The following WNT3 variants were observed in gnomAD, a reference collection of about 807,000 sequenced individuals.
The protein encoded by WNT3 is Wnt family member 3, also known as proto-oncogene Wnt-3.
Under a neutral mutation model 34.2 loss-of-function variants are expected in WNT3, and 7 were observed. The observed-to-expected ratio is 0.20, with a 90% CI of 0.12 to 0.38. The LOEUF (loss-of-function observed/expected upper bound fraction) is 0.38, where lower values mean the gene tolerates loss of function less well. Among genes scored for constraint, WNT3 ranks in the 10% least tolerant of loss-of-function variants. The probability of loss-of-function intolerance (pLI) is 1.00; values close to 1 mark genes in which losing one functional copy is unlikely to be tolerated. For missense variants in WNT3, 267 were observed against 499.8 expected, an observed-to-expected ratio of 0.53 and a Z score of 4.44; for synonymous variants, 212 against 211.5, an observed-to-expected ratio of 1.00 and a Z score of -0.02.
chr17:46,782,856 G>A (rs948872023), intron 1 of WNT3, among the ~76,000 whole-genome samples: 59 of 152,210 alleles, frequency 3.9e-4, no homozygotes, highest in African/African-American at 1.3e-3. Context: ...TGGAACACAT[G>A]TGCACCCTGC....
chr17:46,809,274 C>G lies in WNT3; in HGVS notation c.80+9244G>C, dbSNP rs1381857380. ...ACCTTGTGAAGATGATTGGTGGGAG[C>G]TGGAGAGGAGGCGGGATCCTGCTCA... On this transcript the variant is annotated intron_variant, in intron 1 of 4. Coordinates refer to ENST00000225512, the MANE Select transcript of WNT3 (RefSeq NM_030753.5). Among the ~76,000 whole-genome samples the G allele has an allele frequency of 3.9e-5, 6 of 152,238 alleles. No homozygotes were observed. In the East Asian group the frequency reaches 1.2e-3, roughly 29 times the overall value.
chr17:46,815,785 G>T (rs2146473302), intron 1 of WNT3, among the ~76,000 whole-genome samples: 1 of 152,260 alleles, frequency 6.6e-6, no homozygotes, highest in South Asian at 2.1e-4. Flanking sequence ...GGCCAGCTGT[G>T]CCCCCTGCAG....
chr17:46,794,330 C>G (rs922961800), intron 1 of WNT3, among the ~76,000 whole-genome samples: 1 of 152,248 alleles, frequency 6.6e-6, no homozygotes, highest in East Asian at 1.9e-4. Context: ...ATCTTACTAG[C>G]GGTGAAGAGG....
At chr17:46,784,232 G>A (rs2059483789) in intron 1 of WNT3, among the ~76,000 whole-genome samples, 1 of 152,204 alleles carries the variant, frequency 6.6e-6, no homozygotes, top group Non-Finnish European at 1.5e-5. Flanking sequence ...AAAGTTTTGA[G>A]CCAGGATGAC....
intron 1 of WNT3, among the ~76,000 whole-genome samples, chr17:46,816,799 C>T (rs1197910802): frequency 6.6e-6 from 1 of 152,174 alleles, no homozygotes; most frequent in Non-Finnish European, 1.5e-5. Flanking sequence ...TCCTTCCTAC[C>T]CTCCCCCAAC....
chr17:46,815,732 G>A (rs1018576313), intron 1 of WNT3, among the ~76,000 whole-genome samples: 9 of 152,312 alleles, frequency 5.9e-5, no homozygotes, highest in African/African-American at 2.2e-4. Flanking sequence ...ACAAGCTGGT[G>A]TCAAGGAAGC....
intron 1 of WNT3, among the ~76,000 whole-genome samples, chr17:46,779,041 G>T (rs1205388214): frequency 3.0e-5 from 2 of 66,054 alleles, no homozygotes; most frequent in African/African-American, 6.5e-5. Flanking sequence ...TTATTCCCCG[G>T]TCCCTACCCC....
intron 1 of WNT3, among the ~76,000 whole-genome samples, chr17:46,794,069 A>T (rs1050160969): frequency 2.3e-4 from 35 of 152,152 alleles, no homozygotes; most frequent in African/African-American, 8.5e-4. Context: ...GTTCATAGGG[A>T]ACAGCAGGAG....
At chr17:46,785,222 G>T (rs1429118654) in intron 1 of WNT3, among the ~76,000 whole-genome samples, 3 of 152,202 alleles carry the variant, frequency 2.0e-5, no homozygotes, top group Non-Finnish European at 4.4e-5. Flanking sequence ...CTTCCCTGTT[G>T]TCCTGGGATC....
intron 1 of WNT3, among the ~76,000 whole-genome samples, chr17:46,808,823 C>G (rs1265898037): frequency 6.6e-6 from 1 of 151,950 alleles, no homozygotes; most frequent in Non-Finnish European, 1.5e-5. Flanking sequence ...AAAAAGAAAC[C>G]CAGGGGAATT....
intron 1 of WNT3, among the ~76,000 whole-genome samples, chr17:46,810,318 C>T (rs1237337974): frequency 6.6e-6 from 1 of 152,122 alleles, no homozygotes; most frequent in Admixed American, 6.5e-5. Context: ...TCTTATTCCT[C>T]TTTTCTAGGA....
At chr17:46,772,220 C>G (rs1384292777) in intron 2 of WNT3, among the ~76,000 whole-genome samples, 2 of 152,208 alleles carry the variant, frequency 1.3e-5, no homozygotes, top group Non-Finnish European at 2.9e-5. Flanking sequence ...CTCGCCGCCG[C>G]CAGCAAATTC....
At chr17:46,816,119 A>ACACACACACACGCACG (rs71138553) in intron 1 of WNT3, among the ~76,000 whole-genome samples, 5,408 of 149,912 alleles carry the variant, frequency 0.036, 255 homozygotes, top group East Asian at 0.23. Context: ...ACGTACACAC[A>ACACACACACACGCACG]CACACACACA....
intron 3 of WNT3, 143 bp downstream of exon 3, chr17:46,769,640 G>A (rs1292946691): frequency 2.8e-6 from 3 of 1,082,590 alleles, no homozygotes; most frequent in Non-Finnish European, 4.0e-6. Context: ...TGTGGGGTGG[G>A]GAGGAGGCCA....
intron 1 of WNT3, among the ~76,000 whole-genome samples, chr17:46,814,699 C>G (rs979509295): frequency 4.6e-5 from 7 of 152,240 alleles, no homozygotes; most frequent in Non-Finnish European, 1.0e-4. Context: ...GTGTTAACAC[C>G]TGGCCTGGGG....
At chr17:46,813,480 G>A (rs1258377872) in intron 1 of WNT3, among the ~76,000 whole-genome samples, 3 of 150,216 alleles carry the variant, frequency 2.0e-5, no homozygotes, top group East Asian at 3.9e-4. Context: ...CGGGGGGTGG[G>A]GGTGGGGCTA....
At chr17:46,779,453 T>C (rs1461662737) in intron 1 of WNT3, among the ~76,000 whole-genome samples, 1 of 152,110 alleles carries the variant, frequency 6.6e-6, no homozygotes, top group Non-Finnish European at 1.5e-5. Flanking sequence ...CCTAGGACCC[T>C]GCCACCCTCC....
intron 1 of WNT3, among the ~76,000 whole-genome samples, chr17:46,803,667 C>T (rs1399573277): frequency 6.6e-6 from 1 of 152,250 alleles, no homozygotes; most frequent in Non-Finnish European, 1.5e-5. Flanking sequence ...CCCAGGCCTG[C>T]AGCCTGCCCA....
chr17:46,779,478 C>T (rs112614367), intron 1 of WNT3, among the ~76,000 whole-genome samples: 1,819 of 152,298 alleles, frequency 0.012, 36 homozygotes, highest in African/African-American at 0.041. Flanking sequence ...GAAGCCGGCT[C>T]ATCCTCCACT....
Sources: allele counts gnomAD v4.1 joint callset (sites outside exome capture counted in the v4.1 genomes callset), GRCh38; gene constraint gnomAD v4.1.1; transcripts MANE v1.5; gene names NCBI Gene and HGNC (gene_info 2026-07-23, HGNC 2026-07-21).